Variants in CLASP1 observed in about 807,000 individuals in gnomAD.
The protein encoded by CLASP1 is CLIP-associating protein 1.
A neutral mutation model predicts 192.3 loss-of-function variants in CLASP1; 38 were observed. The observed-to-expected ratio is 0.20, with a 90% confidence interval of 0.15 to 0.26. The LOEUF (loss-of-function observed/expected upper bound fraction) is 0.26. Among genes scored for constraint, CLASP1 ranks in the 10% least tolerant of loss-of-function variants. The probability of loss-of-function intolerance (pLI) is 1.00; values close to 1 mark genes in which losing one functional copy is unlikely to be tolerated. For synonymous variants in CLASP1, 691 were observed against 712.8 expected (o/e 0.97, Z 0.49); for missense variants, 1,433 against 1,932.5 (o/e 0.74, Z 4.85).
chr2:121,492,275 G>A (rs1213157109), intron 8 of CLASP1, among the ~76,000 whole-genome samples: 1 of 151,370 alleles, frequency 6.6e-6, no homozygotes, highest in Non-Finnish European at 1.5e-5. Context: ...TGTAGTCCCA[G>A]CTACCCGGGA....
intron 8 of CLASP1, among the ~76,000 whole-genome samples, chr2:121,476,784 G>A (rs1425638389): frequency 1.3e-5 from 2 of 152,142 alleles, no homozygotes; most frequent in Non-Finnish European, 2.9e-5. Context: ...TGCTAATTGA[G>A]ATTCTCCTCC....
At chr2:121,466,473 T>G (rs1176578043) in intron 9 of CLASP1, among the ~76,000 whole-genome samples, 2 of 152,124 alleles carry the variant, frequency 1.3e-5, no homozygotes, top group African/African-American at 4.8e-5. Flanking sequence ...CAGCTTTTAC[T>G]TGGCCCACTC....
At chr2:121,385,670 G>A (rs2073034686) in intron 32 of CLASP1, among the ~76,000 whole-genome samples, 1 of 152,106 alleles carries the variant, frequency 6.6e-6, no homozygotes, top group Non-Finnish European at 1.5e-5. Context: ...CCCTAAGAAT[G>A]CAATAACTAA....
intron 1 of CLASP1, among the ~76,000 whole-genome samples, chr2:121,608,179 C>T (rs559542165): frequency 5.9e-5 from 9 of 152,292 alleles, no homozygotes; most frequent in African/African-American, 1.2e-4. Flanking sequence ...CCTTTATCAT[C>T]TCTTATGTTG....
intron 23 of CLASP1, among the ~76,000 whole-genome samples, chr2:121,411,408 T>C (rs997481997): frequency 1.3e-5 from 2 of 152,254 alleles, no homozygotes; most frequent in African/African-American, 4.8e-5. Flanking sequence ...ATGTATTAAA[T>C]TGATTTCTGT....
intron 35 of CLASP1, 41 bp from the exon 37 acceptor site, chr2:121,365,325 T>C (rs1265970834): frequency 3.5e-5 from 55 of 1,565,360 alleles, no homozygotes; most frequent in Non-Finnish European, 4.7e-5. Context: ...CGTGAGGAAA[T>C]GCCCAGCACA....
At chr2:121,593,698 C>T (rs529966487) in intron 2 of CLASP1, among the ~76,000 whole-genome samples, 25 of 149,348 alleles carry the variant, frequency 1.7e-4, no homozygotes, top group African/African-American at 6.2e-4. Context: ...AGAACTGGAT[C>T]ATGAAACAGG....
chr2:121,430,417 C>T (rs2081190917), intron 19 of CLASP1, among the ~76,000 whole-genome samples: 1 of 152,260 alleles, frequency 6.6e-6, no homozygotes, highest in African/African-American at 2.4e-5. Flanking sequence ...TGAGATGGAG[C>T]CATGGACCTG....
chr2:121,601,247 G>A (rs2063745036), intron 2 of CLASP1, among the ~76,000 whole-genome samples: 3 of 151,368 alleles, frequency 2.0e-5, no homozygotes, highest in Admixed American at 1.3e-4. Context: ...GCTAACATCT[G>A]ACTGAATGAG....
Position 121,444,763 on chromosome 2 carries a change from G to A in CLASP1, c.1912+2574C>T, listed in dbSNP as rs528922154. ...GAACAAGAAAGGGAAGGAGAACTCA[G>A]GTAGAGGTAGGGCAAAAACCCAATG... On this transcript the variant is annotated intron_variant, in intron 19 of 39. Coordinates refer to ENST00000263710, the Ensembl canonical transcript of CLASP1. Among the ~76,000 whole-genome samples, 6 of 152,262 alleles carry A rather than the reference G, an allele frequency of 3.9e-5. No individual in the cohort carries two copies. In the South Asian group the frequency reaches 1.2e-3, roughly 32 times the overall value.
chr2:121,374,311 G>A (rs1289309039), intron 34 of CLASP1, among the ~76,000 whole-genome samples: 1 of 152,234 alleles, frequency 6.6e-6, no homozygotes, highest in Non-Finnish European at 1.5e-5. Context: ...TGAGGTTTGG[G>A]AGCCTCTACC....
At chr2:121,553,356 GTAAA>G (rs1038885784) in intron 2 of CLASP1, among the ~76,000 whole-genome samples, 2 of 152,056 alleles carry the variant, frequency 1.3e-5, no homozygotes, top group African/African-American at 2.4e-5. Flanking sequence ...AACTTTAAAA[GTAAA>G]TAAATAAAAT....
chr2:121,469,778 C>A, intron 9 of CLASP1, 30 bp downstream of exon 9: 1 of 1,587,584 alleles, frequency 6.3e-7, no homozygotes, highest in South Asian at 1.1e-5. Flanking sequence ...CATAGCTGAC[C>A]CCAGAACGCC....
chr2:121,561,212 T>C (rs780878129), intron 2 of CLASP1, among the ~76,000 whole-genome samples: 7 of 152,208 alleles, frequency 4.6e-5, no homozygotes, highest in Non-Finnish European at 8.8e-5. Flanking sequence ...CAGCCCAATG[T>C]TTTGCAATTT....
rs78709957 is a variant in CLASP1 at position 121,528,268 on chromosome 2, C to G, written c.379-378G>C. ...ACCCCCCAATAAAGGACAGTAGAAG[C>G]TGGGAAAGCAGGGCTGTTTTGGTCC... On this transcript the variant is annotated intron_variant, in intron 4 of 39. Coordinates refer to ENST00000263710, the Ensembl canonical transcript of CLASP1. 7.9e-3 allele frequency among the ~76,000 whole-genome samples: 1,205 copies of G among 152,242 alleles called. 2 individuals carry two copies. The highest frequency in any genetic ancestry group is 0.013 in the Non-Finnish European group (881 of 68,012).
Position 121,507,153 on chromosome 2 carries a change from AAT to A in CLASP1, c.645-3921_645-3920del, listed in dbSNP as rs577896796. On this transcript the variant is annotated intron_variant, in intron 7 of 39. Transcript: ENST00000263710. Reference sequence around the variant, plus strand: ...TGAAGACTTCAAGTCAACTAATATAAATATGTCGAAAGATCTAAAGAAAACTA... The same window carrying A: ...TGAAGACTTCAAGTCAACTAATATAAATGTCGAAAGATCTAAAGAAAACTA... 9.8e-5 allele frequency among the ~76,000 whole-genome samples: 15 copies of A among 152,316 alleles called. 1 individual carries two copies. In the East Asian group the frequency reaches 2.9e-3, roughly 29 times the overall value.
intron 1 of CLASP1, among the ~76,000 whole-genome samples, chr2:121,622,641 C>G (rs116704658): frequency 2.6e-5 from 4 of 151,046 alleles, no homozygotes; most frequent in African/African-American, 9.7e-5. Flanking sequence ...TTCTTTTTGA[C>G]GCTACTGTGA....
rs70954553 is a variant in CLASP1 at position 121,517,858 on chromosome 2, CTTTTTTTTTTTTTT to C, written c.547-2110_547-2097del. 1.1e-3 allele frequency among the ~76,000 whole-genome samples: 35 copies of C among 30,820 alleles called. 1 individual carries two copies. Among genetic ancestry groups the C allele is most frequent in the Middle Eastern group, 0.091 (2 of 22 alleles). 20.2% of individuals were successfully genotyped at this position (30,820 alleles called of 152,430 possible). On this transcript the variant is annotated intron_variant, in intron 6 of 39. Transcript: ENST00000263710. ...CCTCAGAGACAAAGCAAGACTCAAG[CTTTTTTTTTTTTTT>C]TTTTTTTTTTTTTTTTTTTAGAAAA...
chr2:121,339,131 CCACACA>C (rs3839033), exon 40 of CLASP1: 3,646 of 143,640 alleles, frequency 0.025, 57 homozygotes, highest in African/African-American at 0.039. Context: ...ACACACAACA[CCACACA>C]CACACACACA....
Sources: gnomAD v4.1 joint callset for allele counts (sites outside exome capture counted in the v4.1 genomes callset) on GRCh38, gnomAD v4.1.1 for gene constraint, MANE v1.5 for transcripts, NCBI Gene and HGNC (gene_info 2026-07-23, HGNC 2026-07-21) for gene names.